The following PPIG variants were observed in gnomAD, a reference collection of about 807,000 sequenced individuals.
PPIG encodes peptidyl-prolyl cis-trans isomerase G.
Under a neutral mutation model 87.9 loss-of-function variants are expected in PPIG, and 26 were observed. The ratio of observed to expected loss-of-function variants is 0.30; its 90% CI spans 0.22 to 0.41. The LOEUF (loss-of-function observed/expected upper bound fraction) is 0.41, where lower values mean the gene tolerates loss of function less well. Ranked by LOEUF, PPIG falls within the 10% of genes least tolerant of loss-of-function variation. PPIG has a pLI of 1.00. For synonymous variants in PPIG, 308 were observed against 276.5 expected, an observed-to-expected ratio of 1.11 and a Z score of -1.13; for missense variants, 722 against 879.4, an observed-to-expected ratio of 0.82 and a Z score of 2.26.
chr2:169,618,588 G>C (rs1240813859), intron 9 of PPIG, among the ~76,000 whole-genome samples: 1 of 152,166 alleles, frequency 6.6e-6, no homozygotes, highest in African/African-American at 2.4e-5. Context: ...TTGGAAGGGT[G>C]TATGTGTCTA....
chr2:169,587,096 G>C (rs1307173211), intron 1 of PPIG, among the ~76,000 whole-genome samples: 2 of 151,944 alleles, frequency 1.3e-5, no homozygotes, highest in Admixed American at 1.3e-4. Context: ...ACCACACCGG[G>C]TAATTTTTAT....
intron 1 of PPIG, among the ~76,000 whole-genome samples, chr2:169,585,671 C>T (rs1684681609): frequency 6.6e-6 from 1 of 152,094 alleles, no homozygotes; most frequent in South Asian, 2.1e-4. Context: ...TAATTTCTTT[C>T]CACGATAGCC....
At chr2:169,632,151 A>G (rs915376913) in intron 11 of PPIG, among the ~76,000 whole-genome samples, 2 of 152,250 alleles carry the variant, frequency 1.3e-5, no homozygotes, top group Non-Finnish European at 2.9e-5. Flanking sequence ...AGTTACACAT[A>G]ATAAACACTA....
At chr2:169,622,844 C>A (rs1487239830) in intron 9 of PPIG, among the ~76,000 whole-genome samples, 1 of 152,114 alleles carries the variant, frequency 6.6e-6, no homozygotes, top group Non-Finnish European at 1.5e-5. Flanking sequence ...TGATGGCCTT[C>A]TTAATTAATT....
rs1463632055 is a variant in PPIG, at chr2:169,636,079, T to G, written c.1018-13T>G. 6.3e-7 allele frequency: 1 copy of G among 1,581,036 alleles called. No individual in the cohort carries two copies. The highest frequency in any genetic ancestry group is 2.2e-5 in the East Asian group (1 of 44,526). On this transcript the variant is annotated splice_polypyrimidine_tract_variant and intron_variant, in intron 12 of 13. Coordinates refer to ENST00000260970, the MANE Select transcript of PPIG (RefSeq NM_004792.3). The stretch of plus-strand genomic sequence containing the variant: ...TCTATACATTAATTTTTCCCTATTT[T>G]AATTTTCTTTAGCGTTATCGAACTC...
rs71006010 is a variant in PPIG at position 169,628,939 on chromosome 2, C to CAAAAAAA, written c.548-1812_548-1806dup. ...GGGCAACAGAGCAAGACCCTGTCTC[C>CAAAAAAA]AAAAAAAAAAAAAAAAAAAAAAAAA... On this transcript the variant is annotated intron_variant, in intron 9 of 13. Coordinates refer to ENST00000260970, the MANE Select transcript of PPIG (RefSeq NM_004792.3). Among the ~76,000 whole-genome samples the CAAAAAAA allele has an allele frequency of 6.7e-4, 62 of 92,324 alleles. 1 individual carries two copies. The highest frequency in any genetic ancestry group is 2.2e-3 in the African/African-American group (55 of 24,540). 60.6% of individuals were successfully genotyped at this position (92,324 alleles called of 152,430 possible).
chr2:169,611,132 G>T (rs1029363520), intron 7 of PPIG, among the ~76,000 whole-genome samples: 1 of 152,194 alleles, frequency 6.6e-6, no homozygotes, highest in Non-Finnish European at 1.5e-5. Context: ...GGAGGTTGCA[G>T]TGAGCCAGGG....
chr2:169,620,005 A>T (rs182441508), intron 9 of PPIG, among the ~76,000 whole-genome samples: 1 of 152,120 alleles, frequency 6.6e-6, no homozygotes, highest in African/African-American at 2.4e-5. Context: ...ATGGTTTGCA[A>T]ATATTTTCTC....
chr2:169,593,845 C>T (rs1428550729), intron 1 of PPIG, among the ~76,000 whole-genome samples: 3 of 146,356 alleles, frequency 2.0e-5, no homozygotes, highest in South Asian at 4.4e-4. Flanking sequence ...TTAGTAGAGA[C>T]GGGGTTTCAC....
In PPIG at chr2:169,637,072, G is replaced by C; in HGVS notation, c.1814G>C (p.Arg605Pro). ...GAATACAGGAGAAGAGGACGGTCAC[G>C]AAGCCGAGAGAGAAGAACACCACCA... ...EQEYRRRGRS[R>P]SRERRTPPGR... Residue 605 changes from arginine (R) to proline (P), a missense_variant, in exon 14 of 14, where the codon CGA (arginine) becomes CCA (proline). Coordinates refer to ENST00000260970, the MANE Select transcript of PPIG (RefSeq NM_004792.3). 2 of 1,613,358 alleles carry C rather than the reference G, an allele frequency of 1.2e-6. No homozygotes were observed. Among genetic ancestry groups the C allele is most frequent in the South Asian group, 2.2e-5 (2 of 91,000 alleles).
At position 169,584,491 on chromosome 2, in the gene PPIG, G is replaced by T; in HGVS notation, c.-70+1G>T. 2.1e-6 allele frequency: 1 copy of T among 470,848 alleles called. No individual in the cohort carries two copies. Among genetic ancestry groups the T allele is most frequent in the South Asian group, 1.5e-5 (1 of 64,562 alleles). The allele number at this position is 470,848 out of a possible 1,614,324, so 29.2% of individuals were successfully genotyped here. On this transcript the variant is annotated splice_donor_variant, in intron 1 of 13. Transcript: ENST00000260970. LOFTEE classifies it low-confidence loss of function (5UTR_SPLICE). ...GAAGAGGAAAACTCTACCGGTGCAGGTAAGTGGTATGAGGCTCAAGTTGTT... is the reference window on the plus strand; with the variant it reads ...GAAGAGGAAAACTCTACCGGTGCAGTTAAGTGGTATGAGGCTCAAGTTGTT...
rs971769424 is a variant in PPIG, at chr2:169,615,269, G to A, written c.547+545G>A. On this transcript the variant is annotated intron_variant, in intron 9 of 13. Coordinates refer to ENST00000260970, the MANE Select transcript of PPIG (RefSeq NM_004792.3). ...TCACCATATTGGCCAGGCTGGTCTC[G>A]AACTCCTGACTTTGTGATCCGCCTG... 6.6e-5 allele frequency among the ~76,000 whole-genome samples: 10 copies of A among 152,208 alleles called. No individual in the cohort carries two copies. The South Asian group carries it at 8.3e-4, about 13-fold the overall frequency.
chr2:169,589,574 T>A (rs570069676), intron 1 of PPIG, among the ~76,000 whole-genome samples: 7 of 152,194 alleles, frequency 4.6e-5, no homozygotes, highest in Middle Eastern at 6.3e-3. Flanking sequence ...ATAAATTGTC[T>A]CCTGTTTCAT....
chr2:169,631,916 A>G lies in PPIG; in HGVS notation c.912A>G (p.Arg304=), dbSNP rs757274135. Residue 304 remains arginine, a synonymous_variant, in exon 11 of 14, where the codon AGA becomes AGG. Coordinates refer to ENST00000260970, the MANE Select transcript of PPIG (RefSeq NM_004792.3). ...AGAAGGAAAGGAAAAACAGAGAGAG[A>G]GAAAGGGAAAGAGAGTGGTATGTGA... ...ADEKERKNRE[R]ERERECNPPN... The G allele has an allele frequency of 6.2e-7, 1 of 1,600,134 alleles. No homozygotes were observed.
At position 169,637,283 on chromosome 2, in the gene PPIG, T is replaced by TA; in HGVS notation, c.2027dup (p.Asn676LysfsTer8). On this transcript the variant is annotated frameshift_variant, in exon 14 of 14. Transcript: ENST00000260970. LOFTEE classifies it high-confidence loss of function. ...AAAGTCGTGATCATAATAGCTCAAA[T>TA]AACAGCAGGGAAAAAAAGGCTGATA... 6.2e-7 allele frequency: 1 copy of TA among 1,608,200 alleles called. No individual in the cohort carries two copies. Among genetic ancestry groups the TA allele is most frequent in the Non-Finnish European group, 8.5e-7 (1 of 1,178,770 alleles).
At chr2:169,636,071 C>T in intron 12 of PPIG, 21 bp from the exon 13 acceptor site, 1 of 1,567,910 alleles carries the variant, frequency 6.4e-7, no homozygotes, top group South Asian at 1.2e-5. Flanking sequence ...ATTAATTTTT[C>T]CCTATTTTAA....
rs1686227786 is a variant in PPIG at position 169,638,014 on chromosome 2, TA to T, written c.*494del. 1 of 152,276 alleles carries T rather than the reference TA, an allele frequency of 6.6e-6. No homozygotes were observed. The highest frequency in any genetic ancestry group is 2.1e-4 in the South Asian group (1 of 4,832). The allele number at this position is 152,276 out of a possible 1,614,324, so 9.4% of individuals were successfully genotyped here. A position where few individuals can be genotyped will look rare whatever the true frequency, so the allele number is the denominator to read the frequency against. ...GCAGGGTCCTAATAACCTGAGATCT[TA>T]AATCATCACTTTTGATTTTATAGTA... On this transcript the variant is annotated 3_prime_UTR_variant, in exon 14 of 14. Coordinates refer to ENST00000260970, the MANE Select transcript of PPIG (RefSeq NM_004792.3).
intron 9 of PPIG, among the ~76,000 whole-genome samples, chr2:169,625,443 AGAG>A (rs1192716819): frequency 6.6e-6 from 1 of 152,186 alleles, no homozygotes; most frequent in African/African-American, 2.4e-5. Flanking sequence ...CCAGAATATA[AGAG>A]GATAAGTTGC....
At chr2:169,591,801 A>C (rs1201244681) in intron 1 of PPIG, among the ~76,000 whole-genome samples, 1 of 152,036 alleles carries the variant, frequency 6.6e-6, no homozygotes, top group Non-Finnish European at 1.5e-5. Flanking sequence ...TTCCAAGAAA[A>C]ATTTGTCTGG....
Sources: allele counts gnomAD v4.1 joint callset (sites outside exome capture counted in the v4.1 genomes callset), GRCh38; gene constraint gnomAD v4.1.1; transcripts MANE v1.5; gene names NCBI Gene and HGNC (gene_info 2026-07-23, HGNC 2026-07-21).